CAST: variants seen among roughly 807,000 people sequenced by gnomAD.
CAST encodes calpastatin.
CAST carries 76 observed loss-of-function variants against 119.6 expected under a neutral mutation model. That is an observed-to-expected ratio of 0.64 (90% CI 0.53 to 0.77). The LOEUF (loss-of-function observed/expected upper bound fraction) is 0.77. Among genes scored for constraint, CAST ranks in the 30% least tolerant of loss-of-function variants. CAST has a pLI of 0.00. For missense variants in CAST, 953 were observed against 946.5 expected, an observed-to-expected ratio of 1.01 and a Z score of -0.09; for synonymous variants, 319 against 331.6, an observed-to-expected ratio of 0.96 and a Z score of 0.41.
At chr5:96,617,832 C>T (rs979874204) in intron 1 of CAST, among the ~76,000 whole-genome samples, 3 of 99,464 alleles carry the variant, frequency 3.0e-5, no homozygotes, top group African/African-American at 1.3e-4. Context: ...AAAAAAAACA[C>T]TCTTAGGAGA....
At chr5:95,984,868 A>G in the CAST span, among the ~76,000 whole-genome samples, 2 of 152,196 alleles carry the variant, frequency 1.3e-5, no homozygotes, top group African/African-American at 4.8e-5. Flanking sequence ...TCAAAATATT[A>G]ATGTTTTTAT....
the CAST span, chr5:96,433,313 T>A: frequency 2.0e-5 from 10 of 489,580 alleles, no homozygotes; most frequent in South Asian, 2.1e-4. Context: ...ACGAAAGCCA[T>A]CTCTTGACGT....
chr5:96,072,668 C>T, the CAST span, among the ~76,000 whole-genome samples: 1 of 152,180 alleles, frequency 6.6e-6, no homozygotes, highest in Non-Finnish European at 1.5e-5. Flanking sequence ...TACGCATTTG[C>T]TGCTACTTTT....
the CAST span, among the ~76,000 whole-genome samples, chr5:96,134,633 G>A: frequency 6.6e-6 from 1 of 152,180 alleles, no homozygotes; most frequent in Admixed American, 6.5e-5. Context: ...AAGCCCTGTG[G>A]ATTTCCCTAA....
At position 96,741,528 on chromosome 5, in the gene CAST, G is replaced by A. The variant is rs1443845361; in HGVS notation, c.1046G>A (p.Gly349Glu). ...STEVLKAQSA[G>E]TVRSAAPPQE... ...GAAGTTTTAAAAGCTCAGTCAGCAG[G>A]GACAGTCAGAAGTGCTGCTCCACCC... Residue 349 changes from glycine (G) to glutamate (E), a missense_variant, in exon 15 of 32, where the codon GGG becomes GAG. Physicochemically the swap from Gly to Glu is moderately conservative, Grantham distance 98. Transcript: ENST00000675179. The A allele has an allele frequency of 1.2e-6, 2 of 1,613,572 alleles. No individual in the cohort carries two copies. The highest frequency in any genetic ancestry group is 2.7e-5 in the African/African-American group (2 of 74,900).
the CAST span, among the ~76,000 whole-genome samples, chr5:95,987,235 C>T: frequency 6.6e-6 from 1 of 152,254 alleles, no homozygotes; most frequent in East Asian, 1.9e-4. Context: ...TTAGAGTAGC[C>T]TCTCTTGGTT....
At chr5:96,328,492 T>C in the CAST span, among the ~76,000 whole-genome samples, 2 of 151,644 alleles carry the variant, frequency 1.3e-5, no homozygotes, top group African/African-American at 4.8e-5. Flanking sequence ...TCTGGGCGTT[T>C]GTGTACACTT....
At chr5:96,592,764 C>CTTTT (rs763848888) in intron 1 of CAST, among the ~76,000 whole-genome samples, 2 of 146,846 alleles carry the variant, frequency 1.4e-5, no homozygotes, top group African/African-American at 2.5e-5. Flanking sequence ...GTTTTATTTT[C>CTTTT]TTTTTTTTTT....
the CAST span, among the ~76,000 whole-genome samples, chr5:96,356,221 T>A: frequency 2.0e-5 from 3 of 152,232 alleles, no homozygotes; most frequent in Non-Finnish European, 2.9e-5. Flanking sequence ...TCCTTGTAGA[T>A]TCTGGATATT....
the CAST span, among the ~76,000 whole-genome samples, chr5:95,998,801 T>C: frequency 6.6e-6 from 1 of 152,150 alleles, no homozygotes; most frequent in African/African-American, 2.4e-5. Flanking sequence ...GGTAGTTCTA[T>C]TTTTAGTTCT....
the CAST span, among the ~76,000 whole-genome samples, chr5:96,085,933 G>A: frequency 1.1e-3 from 170 of 152,246 alleles, no homozygotes; most frequent in African/African-American, 3.8e-3. Flanking sequence ...CATAAAATGA[G>A]AGTAAGGAAT....
the CAST span, among the ~76,000 whole-genome samples, chr5:96,501,703 C>T: frequency 7.9e-5 from 12 of 152,288 alleles, no homozygotes; most frequent in Non-Finnish European, 1.2e-4. Flanking sequence ...AGGAAATGGA[C>T]AAATCCACCA....
Position 96,774,131 on chromosome 5 carries a change from TCCC to T in CAST, c.*1516_*1518del, listed in dbSNP as rs1236698241. 2 of 152,526 alleles carry T rather than the reference TCCC, an allele frequency of 1.3e-5. No homozygotes were observed. The highest frequency in any genetic ancestry group is 4.9e-5 in the African/African-American group (2 of 41,226). The allele number at this position is 152,526 out of a possible 1,614,324, so 9.4% of individuals were successfully genotyped here. ...GGATTTCTAACCATGTATCTAATCC[TCCC>T]ATTTGGGCAGTATAGGTGTTTGCTT... is the stretch of plus-strand genomic sequence containing the variant. On this transcript the variant is annotated 3_prime_UTR_variant, in exon 32 of 32. Coordinates refer to ENST00000675179, the MANE Select transcript of CAST (RefSeq NM_001750.7).
intron 1 of CAST, among the ~76,000 whole-genome samples, chr5:96,650,728 TTGTG>T (rs34230121): frequency 0.027 from 3,864 of 141,560 alleles, 65 homozygotes; most frequent in African/African-American, 0.057. Context: ...ACCCACTTAA[TTGTG>T]TGTGTGTGTG....
chr5:96,452,640 T>TAAAAAAAA, the CAST span, among the ~76,000 whole-genome samples: 109 of 90,112 alleles, frequency 1.2e-3, 6 homozygotes, highest in East Asian at 7.2e-3. Flanking sequence ...TAAAGTATAA[T>TAAAAAAAA]AAAAAAAAAA....
At chr5:96,441,177 G>C in the CAST span, among the ~76,000 whole-genome samples, 1 of 152,140 alleles carries the variant, frequency 6.6e-6, no homozygotes, top group Non-Finnish European at 1.5e-5. Flanking sequence ...TTACATAATA[G>C]TTTCTTACAC....
At chr5:96,705,628 A>C (rs576768437) in intron 3 of CAST, among the ~76,000 whole-genome samples, 1 of 152,198 alleles carries the variant, frequency 6.6e-6, no homozygotes, top group South Asian at 2.1e-4. Context: ...AAAAGAATAG[A>C]TGAGCATAAT....
At chr5:96,166,882 T>C in the CAST span, among the ~76,000 whole-genome samples, 479 of 152,124 alleles carry the variant, frequency 3.1e-3, 1 homozygote, top group Non-Finnish European at 3.8e-3. Context: ...AGTGTTGGGG[T>C]GGTGAAAATG....
the CAST span, among the ~76,000 whole-genome samples, chr5:95,967,156 G>A: frequency 1.2e-3 from 187 of 152,258 alleles, no homozygotes; most frequent in Non-Finnish European, 2.2e-3. Context: ...ACATGGGGTG[G>A]GGAGGGAATG....
Sources: allele counts gnomAD v4.1 joint callset (sites outside exome capture counted in the v4.1 genomes callset), GRCh38; gene constraint gnomAD v4.1.1; transcripts MANE v1.5; gene names NCBI Gene and HGNC (gene_info 2026-07-23, HGNC 2026-07-21).